RPGRIP1L: variants seen among roughly 807,000 people sequenced by gnomAD.
RPGRIP1L encodes the protein protein fantom.
Under a neutral mutation model 160.4 loss-of-function variants are expected in RPGRIP1L, and 131 were observed. That is an observed-to-expected ratio of 0.82 (90% confidence interval 0.71 to 0.94). The LOEUF (loss-of-function observed/expected upper bound fraction) is 0.94, where lower values mean the gene tolerates loss of function less well. Ranked by LOEUF, RPGRIP1L falls within the 40% of genes least tolerant of loss-of-function variation. RPGRIP1L has a pLI of 0.00. For synonymous variants in RPGRIP1L, 510 were observed against 515.8 expected, an observed-to-expected ratio of 0.99 and a Z score of 0.15; for missense variants, 1,522 against 1,535.8, an observed-to-expected ratio of 0.99 and a Z score of 0.15.
chr16:53,696,980 G>A (rs1433583400), intron 2 of RPGRIP1L, among the ~76,000 whole-genome samples: 1 of 152,146 alleles, frequency 6.6e-6, no homozygotes, highest in Non-Finnish European at 1.5e-5. Context: ...GATCACCTGA[G>A]GTCGGGAGTT....
chr16:53,625,073 T>C (rs1188165300), intron 22 of RPGRIP1L, among the ~76,000 whole-genome samples: 1 of 152,136 alleles, frequency 6.6e-6, no homozygotes, highest in African/African-American at 2.4e-5. Flanking sequence ...GTGCTCAATG[T>C]TGCCCAGGCT....
chr16:53,665,986 T>C (rs1968217420), intron 9 of RPGRIP1L, among the ~76,000 whole-genome samples: 1 of 152,168 alleles, frequency 6.6e-6, no homozygotes, highest in Admixed American at 6.6e-5. Context: ...CTATGAAGCT[T>C]GATATGACTG....
chr16:53,642,774 G>C (rs910964202), intron 17 of RPGRIP1L, among the ~76,000 whole-genome samples: 4 of 152,176 alleles, frequency 2.6e-5, no homozygotes, highest in African/African-American at 7.2e-5. Flanking sequence ...GTCTAGGATA[G>C]GCTAAGAGGA....
chr16:53,658,091 G>A (rs775970849), intron 12 of RPGRIP1L, among the ~76,000 whole-genome samples: 1 of 152,082 alleles, frequency 6.6e-6, no homozygotes, highest in Non-Finnish European at 1.5e-5. Context: ...GAAAATCGAT[G>A]AGTTAAATAG....
At chr16:53,669,210 T>C (rs956045992) in intron 9 of RPGRIP1L, among the ~76,000 whole-genome samples, 2 of 152,302 alleles carry the variant, frequency 1.3e-5, no homozygotes, top group Admixed American at 1.3e-4. Flanking sequence ...TCTCCAACTA[T>C]ACTTCTAAAA....
chr16:53,646,605 C>T (rs532438941), intron 16 of RPGRIP1L, among the ~76,000 whole-genome samples: 4 of 152,292 alleles, frequency 2.6e-5, no homozygotes, highest in African/African-American at 7.2e-5. Context: ...AACTACTCTA[C>T]GGTTCCTTTG....
At chr16:53,678,909 G>C (rs990719733) in intron 6 of RPGRIP1L, among the ~76,000 whole-genome samples, 1 of 152,126 alleles carries the variant, frequency 6.6e-6, no homozygotes, top group African/African-American at 2.4e-5. Flanking sequence ...TTTTATTAGG[G>C]ATACACAGAT....
chr16:53,599,471 T>C lies in RPGRIP1L; in HGVS notation c.*2605A>G, dbSNP rs1021905350. ...TTCTACTACAGTAGGCAAAAATACA[T>C]GTAAAATACACTCTCCCACATACCA... is the stretch of plus-strand genomic sequence containing the variant. On this transcript the variant is annotated 3_prime_UTR_variant, in exon 27 of 27. Coordinates refer to ENST00000647211, the MANE Select transcript of RPGRIP1L (RefSeq NM_015272.5). 5.3e-5 allele frequency: 8 copies of C among 152,196 alleles called. No individual in the cohort carries two copies. The highest frequency in any genetic ancestry group is 1.7e-4 in the African/African-American group (7 of 41,450). 9.4% of individuals were successfully genotyped at this position (152,196 alleles called of 1,614,324 possible).
intron 25 of RPGRIP1L, among the ~76,000 whole-genome samples, chr16:53,609,317 C>G (rs755151621): frequency 6.6e-6 from 1 of 152,040 alleles, no homozygotes; most frequent in Non-Finnish European, 1.5e-5. Context: ...AGGCCAGTCT[C>G]TAACTTCTGG....
At chr16:53,621,094 A>G (rs1405970337) in intron 23 of RPGRIP1L, among the ~76,000 whole-genome samples, 1 of 152,226 alleles carries the variant, frequency 6.6e-6, no homozygotes, top group Admixed American at 6.5e-5. Flanking sequence ...TTTATCACAG[A>G]ACCTAATGAA....
Position 53,686,558 on chromosome 16 carries a change from T to G in RPGRIP1L, c.651A>C (p.Ser217=). The change falls in exon 6 of 27, where the codon TCA becomes TCC. Residue 217 remains serine, a synonymous_variant. Coordinates refer to ENST00000647211, the MANE Select transcript of RPGRIP1L (RefSeq NM_015272.5). ...EIRNLENVIQ[S]QRGQIEELEH... The stretch of plus-strand genomic sequence containing the variant: ...CTAACTCCTCTATCTGGCCTCTTTG[T>G]GACTGAATAACGTTTTCTCTGAAAT... 4 of 1,613,690 alleles carry G rather than the reference T, an allele frequency of 2.5e-6. No homozygotes were observed. The highest frequency in any genetic ancestry group is 3.4e-6 in the Non-Finnish European group (4 of 1,179,744).
chr16:53,694,999 T>C (rs571585861), intron 3 of RPGRIP1L: 19 of 248,668 alleles, frequency 7.6e-5, no homozygotes, highest in African/African-American at 4.2e-4. Context: ...CACAGGCTAG[T>C]GGCAGAGAGA....
intron 24 of RPGRIP1L, among the ~76,000 whole-genome samples, chr16:53,613,679 C>T (rs914703735): frequency 5.9e-5 from 9 of 152,102 alleles, no homozygotes; most frequent in African/African-American, 1.9e-4. Flanking sequence ...AAAGTGGTGT[C>T]GTTGGGGATT....
Position 53,696,197 on chromosome 16 carries a change from T to C in RPGRIP1L, c.184A>G (p.Ile62Val), listed in dbSNP as rs1409709332. 6.2e-7 allele frequency: 1 copy of C among 1,613,944 alleles called. No homozygotes were observed. The highest frequency in any genetic ancestry group is 1.3e-5 in the African/African-American group (1 of 74,920). Residue 62 changes from isoleucine (I) to valine (V), a missense_variant, in exon 3 of 27, where the codon ATT becomes GTT. Transcript: ENST00000647211. ...DRFLRLHDEN[I>V]LLKQHARKQE... The stretch of plus-strand genomic sequence containing the variant: ...TTGCGGGCATGCTGTTTAAGTAAAA[T>C]GTTCTCATCATGCAAACGCAAAAAT...
intron 6 of RPGRIP1L, among the ~76,000 whole-genome samples, chr16:53,676,642 A>T (rs916991354): frequency 1.3e-4 from 20 of 150,722 alleles, no homozygotes; most frequent in South Asian, 2.1e-4. Flanking sequence ...TTATTTATTT[A>T]TTTTTTTTTG....
At chr16:53,678,388 C>T (rs994356695) in intron 6 of RPGRIP1L, among the ~76,000 whole-genome samples, 2 of 152,180 alleles carry the variant, frequency 1.3e-5, no homozygotes, top group African/African-American at 2.4e-5. Context: ...AGCTTTGCTA[C>T]TGGGTGCCAT....
chr16:53,627,392 T>C lies in RPGRIP1L; in HGVS notation c.3295-5036A>G, dbSNP rs565505340. ...TTATTATAAAACATTTCAAACATGATAAAGTACAGAAAATAATTTGGCATA... is the reference window on the plus strand; with the variant it reads ...TTATTATAAAACATTTCAAACATGACAAAGTACAGAAAATAATTTGGCATA... On this transcript the variant is annotated intron_variant, in intron 22 of 26. Coordinates refer to ENST00000647211, the MANE Select transcript of RPGRIP1L (RefSeq NM_015272.5). Among the ~76,000 whole-genome samples, 190 of 152,348 alleles carry C rather than the reference T, an allele frequency of 1.2e-3. 2 individuals carry two copies. In the South Asian group the frequency reaches 0.026, roughly 21 times the overall value.
At chr16:53,626,398 C>T (rs532934458) in intron 22 of RPGRIP1L, among the ~76,000 whole-genome samples, 7 of 152,248 alleles carry the variant, frequency 4.6e-5, no homozygotes, top group Non-Finnish European at 1.0e-4. Flanking sequence ...TTCCCCTCTA[C>T]GTGTATGAAT....
intron 1 of RPGRIP1L, among the ~76,000 whole-genome samples, chr16:53,702,259 T>C (rs940271694): frequency 2.6e-5 from 4 of 152,226 alleles, no homozygotes; most frequent in African/African-American, 9.6e-5. Flanking sequence ...CTTAAGGTGG[T>C]AGTTGAAAGT....
Sources: allele counts gnomAD v4.1 joint callset (sites outside exome capture counted in the v4.1 genomes callset), GRCh38; gene constraint gnomAD v4.1.1; transcripts MANE v1.5; gene names NCBI Gene and HGNC (gene_info 2026-07-23, HGNC 2026-07-21).